The following RBPJ variants were observed in gnomAD, a reference collection of about 807,000 sequenced individuals.
RBPJ encodes recombining binding protein suppressor of hairless.
Under a neutral mutation model 67.8 loss-of-function variants are expected in RBPJ, and 9 were observed. The observed-to-expected ratio is 0.13, with a 90% CI of 0.08 to 0.23. The LOEUF is 0.23. Among genes scored for constraint, RBPJ ranks in the 10% least tolerant of loss-of-function variants. RBPJ has a pLI of 1.00. For missense variants in RBPJ, 305 were observed against 595.6 expected (o/e 0.51, Z 5.08); for synonymous variants, 198 against 203.3 (o/e 0.97, Z 0.22).
chr4:26,185,069 A>G (rs1191854765), intron 1 of RBPJ, among the ~76,000 whole-genome samples: 1 of 151,686 alleles, frequency 6.6e-6, no homozygotes, highest in East Asian at 1.9e-4. Flanking sequence ...TTGACCCTGG[A>G]AGGCAGAGGT....
At chr4:26,135,418 A>G in the RBPJ span, among the ~76,000 whole-genome samples, 3 of 152,040 alleles carry the variant, frequency 2.0e-5, no homozygotes, top group African/African-American at 7.2e-5. Context: ...AGTGGTGGAC[A>G]TGGGATTTAA....
intron 1 of RBPJ, among the ~76,000 whole-genome samples, chr4:26,243,150 C>G (rs1191228860): frequency 6.6e-6 from 1 of 152,060 alleles, no homozygotes; most frequent in Non-Finnish European, 1.5e-5. Context: ...CAGCTTGAAC[C>G]CGGGAGGCAG....
At chr4:26,403,666 A>G (rs530603310) in intron 2 of RBPJ, among the ~76,000 whole-genome samples, 4 of 152,276 alleles carry the variant, frequency 2.6e-5, no homozygotes, top group East Asian at 1.9e-4. Context: ...TTAGTTTGCT[A>G]AGGAAGACAG....
At chr4:26,401,548 G>C (rs552425815) in intron 2 of RBPJ, among the ~76,000 whole-genome samples, 41 of 152,116 alleles carry the variant, frequency 2.7e-4, no homozygotes, top group Non-Finnish European at 4.6e-4. Flanking sequence ...GACTGCCTCG[G>C]ATATTATCAA....
rs114488626 is a variant in RBPJ at position 26,383,688 on chromosome 4, G to A, written c.21-2665G>A. ...CCTTTAATGAAGTTTTATTGTAATC[G>A]TATGCTACAGTGGTACATTTAATCG... On this transcript the variant is annotated intron_variant, in intron 1 of 10. Coordinates refer to ENST00000355476, the MANE Select transcript of RBPJ (RefSeq NM_015874.6). Among the ~76,000 whole-genome samples, 512 of 152,026 alleles carry A rather than the reference G, an allele frequency of 3.4e-3. 3 individuals are homozygous for A. Among genetic ancestry groups the A allele is most frequent in the African/African-American group, 0.012 (491 of 41,448 alleles).
chr4:26,402,359 A>T (rs1040456427), intron 2 of RBPJ, among the ~76,000 whole-genome samples: 2 of 152,156 alleles, frequency 1.3e-5, no homozygotes, highest in African/African-American at 4.8e-5. Flanking sequence ...TTAATTTTGG[A>T]TTCCAACATT....
chr4:26,364,794 T>G (rs1461113290), intron 1 of RBPJ, among the ~76,000 whole-genome samples: 2 of 151,708 alleles, frequency 1.3e-5, no homozygotes, highest in African/African-American at 4.8e-5. Context: ...CCCAGCTAAT[T>G]TTTTGTATTT....
chr4:26,140,015 C>T, the RBPJ span, among the ~76,000 whole-genome samples: 1 of 152,192 alleles, frequency 6.6e-6, no homozygotes, highest in African/African-American at 2.4e-5. Flanking sequence ...AGCCCCACTA[C>T]ACCCAAATTT....
intron 1 of RBPJ, among the ~76,000 whole-genome samples, chr4:26,215,270 A>AG (rs1718660302): frequency 2.3e-5 from 1 of 43,536 alleles, no homozygotes; most frequent in African/African-American, 1.4e-4. Context: ...GAAGGGAGGG[A>AG]GGAAAAAGAG....
intron 7 of RBPJ, among the ~76,000 whole-genome samples, chr4:26,425,564 G>A (rs1310986055): frequency 2.6e-5 from 4 of 152,164 alleles, no homozygotes; most frequent in Admixed American, 6.5e-5. Flanking sequence ...AGCGGTGATC[G>A]TACCACTGGA....
At chr4:26,293,889 C>G (rs1204092325) in intron 1 of RBPJ, among the ~76,000 whole-genome samples, 1 of 151,922 alleles carries the variant, frequency 6.6e-6, no homozygotes, top group African/African-American at 2.4e-5. Flanking sequence ...TCCCCAGTAG[C>G]TGGGATTACA....
intron 7 of RBPJ, among the ~76,000 whole-genome samples, chr4:26,425,957 GTT>G (rs1230256314): frequency 7.0e-6 from 1 of 142,090 alleles, no homozygotes. Flanking sequence ...CTTTGTTACT[GTT>G]TTTTTTTTTT....
At chr4:26,407,127 GCT>G (rs1733498265) in intron 3 of RBPJ, among the ~76,000 whole-genome samples, 1 of 152,174 alleles carries the variant, frequency 6.6e-6, no homozygotes, top group East Asian at 1.9e-4. Flanking sequence ...TGATACATTA[GCT>G]TATTCACAAA....
upstream of RBPJ, chr4:26,319,825 G>T (rs371070858): frequency 3.2e-6 from 5 of 1,564,188 alleles, no homozygotes; most frequent in South Asian, 5.5e-5. Context: ...GCGGGAGGCA[G>T]TGCTGGATCT....
chr4:26,182,493 CTTTTT>C (rs756542568), intron 1 of RBPJ, among the ~76,000 whole-genome samples: 1 of 142,352 alleles, frequency 7.0e-6, no homozygotes, highest in Admixed American at 7.0e-5. Flanking sequence ...ACTTTTTAAA[CTTTTT>C]TTTTTTTTTG....
In RBPJ at chr4:26,432,999, T is replaced by C. The variant is rs1351288253; in HGVS notation, c.*1992T>C. 2.6e-5 allele frequency: 4 copies of C among 152,362 alleles called. No homozygotes were observed. Among genetic ancestry groups the C allele is most frequent in the Non-Finnish European group, 5.9e-5 (4 of 68,040 alleles). 9.4% of individuals were successfully genotyped at this position (152,362 alleles called of 1,614,324 possible). On this transcript the variant is annotated 3_prime_UTR_variant, in exon 11 of 11. Coordinates refer to ENST00000355476, the MANE Select transcript of RBPJ (RefSeq NM_015874.6). ...CTCAGTTTTCAAGGGGAAGGTCATT[T>C]GTAAAGCACGTTAGGTGGTTAAATC...
At chr4:26,342,352 G>A (rs1725631902) in intron 1 of RBPJ, among the ~76,000 whole-genome samples, 1 of 152,128 alleles carries the variant, frequency 6.6e-6, no homozygotes, top group East Asian at 1.9e-4. Flanking sequence ...TGGTGAGGGA[G>A]GTAGTATTAT....
At chr4:26,172,061 G>T (rs1212798534) in intron 1 of RBPJ, among the ~76,000 whole-genome samples, 1 of 152,240 alleles carries the variant, frequency 6.6e-6, no homozygotes, top group East Asian at 1.9e-4. Flanking sequence ...GGCAGCGAAG[G>T]CTGGAAATCC....
chr4:26,222,930 C>T (rs1047643624), intron 1 of RBPJ, among the ~76,000 whole-genome samples: 7 of 151,530 alleles, frequency 4.6e-5, no homozygotes, highest in South Asian at 2.1e-4. Flanking sequence ...CCGAGGCGGG[C>T]GGATCACGAG....
Sources: allele counts gnomAD v4.1 joint callset (sites outside exome capture counted in the v4.1 genomes callset), GRCh38; gene constraint gnomAD v4.1.1; transcripts MANE v1.5; gene names NCBI Gene and HGNC (gene_info 2026-07-23, HGNC 2026-07-21).